The following NEK7 variants were observed in gnomAD, a reference collection of about 807,000 sequenced individuals.
NEK7 encodes the protein NIMA related kinase 7, also known as serine/threonine-protein kinase Nek7.
Under a neutral mutation model 44.6 loss-of-function variants are expected in NEK7, and 18 were observed. That is an observed-to-expected ratio of 0.40 (90% CI 0.28 to 0.60). The LOEUF is 0.60. Ranked by LOEUF, NEK7 falls within the 20% of genes least tolerant of loss-of-function variation. The pLI, the probability that NEK7 is intolerant of heterozygous loss-of-function variation, is 0.38. For missense variants in NEK7, 256 were observed against 366.5 expected (o/e 0.70, Z 2.46); for synonymous variants, 130 against 121.1 (o/e 1.07, Z -0.48).
intron 1 of NEK7, among the ~76,000 whole-genome samples, chr1:198,212,920 C>T (rs566093432): frequency 6.6e-6 from 1 of 152,334 alleles, no homozygotes; most frequent in Admixed American, 6.5e-5. Flanking sequence ...TTCTGGCTAA[C>T]CAGGAGATCT....
chr1:198,290,845 T>G (rs1269937442), intron 7 of NEK7, among the ~76,000 whole-genome samples: 1 of 152,184 alleles, frequency 6.6e-6, no homozygotes, highest in African/African-American at 2.4e-5. Flanking sequence ...GTATCTAAAT[T>G]TAAAGTATCA....
At chr1:198,167,068 C>T (rs1445514448) in intron 1 of NEK7, among the ~76,000 whole-genome samples, 2 of 152,174 alleles carry the variant, frequency 1.3e-5, no homozygotes, top group Non-Finnish European at 2.9e-5. Context: ...TTGACAGTGC[C>T]GTGTTCTCTC....
intron 1 of NEK7, among the ~76,000 whole-genome samples, chr1:198,185,690 C>T (rs139919846): frequency 1.3e-5 from 2 of 152,232 alleles, no homozygotes; most frequent in African/African-American, 4.8e-5. Context: ...GTAGTGCTGC[C>T]TGGAATGTCC....
At chr1:198,284,706 G>T (rs1215971820) in intron 7 of NEK7, among the ~76,000 whole-genome samples, 1 of 152,068 alleles carries the variant, frequency 6.6e-6, no homozygotes, top group Non-Finnish European at 1.5e-5. Context: ...TGAACCAGAG[G>T]CAGCTTACTA....
intron 9 of NEK7, among the ~76,000 whole-genome samples, chr1:198,308,333 G>A (rs1377616662): frequency 3.3e-5 from 5 of 152,022 alleles, no homozygotes; most frequent in East Asian, 1.9e-4. Context: ...CAGTTATCTC[G>A]ATATGAATGC....
intron 5 of NEK7, among the ~76,000 whole-genome samples, chr1:198,268,591 A>T (rs1313803381): frequency 6.6e-6 from 1 of 152,104 alleles, no homozygotes; most frequent in Non-Finnish European, 1.5e-5. Context: ...TCAGTCTTTA[A>T]GACGTTAGAA....
intron 1 of NEK7, among the ~76,000 whole-genome samples, chr1:198,213,374 G>A (rs985270463): frequency 6.6e-6 from 1 of 152,012 alleles, no homozygotes. Context: ...TACCCCAACA[G>A]TCAGGAAGCC....
intron 1 of NEK7, among the ~76,000 whole-genome samples, chr1:198,166,403 C>T (rs1402676109): frequency 6.6e-6 from 1 of 152,186 alleles, no homozygotes; most frequent in African/African-American, 2.4e-5. Flanking sequence ...TGTTTGGCTC[C>T]AGAGGCCTAG....
At chr1:198,271,905 T>TTATATATATATATATATATATATATA (rs34354855) in intron 5 of NEK7, among the ~76,000 whole-genome samples, 5 of 141,384 alleles carry the variant, frequency 3.5e-5, no homozygotes, top group African/African-American at 2.6e-5. Context: ...AATTTATATT[T>TTATATATATATATATATATATATATA]TATATATATA....
chr1:198,175,880 C>G (rs1451517145), intron 1 of NEK7, among the ~76,000 whole-genome samples: 1 of 152,192 alleles, frequency 6.6e-6, no homozygotes, highest in East Asian at 1.9e-4. Context: ...CTCTTGAGAA[C>G]TGTTCTTCCA....
At chr1:198,175,509 T>G (rs1664579348) in intron 1 of NEK7, among the ~76,000 whole-genome samples, 1 of 152,232 alleles carries the variant, frequency 6.6e-6, no homozygotes, top group South Asian at 2.1e-4. Context: ...TAGAATGTTT[T>G]TTAAATCTGG....
intron 2 of NEK7, among the ~76,000 whole-genome samples, chr1:198,236,499 T>C (rs1666548230): frequency 6.6e-6 from 1 of 152,168 alleles, no homozygotes; most frequent in South Asian, 2.1e-4. Flanking sequence ...CACTCCCTAC[T>C]TTCCTGGCTC....
chr1:198,221,113 A>G (rs1033925425), intron 1 of NEK7: 3 of 152,108 alleles, frequency 2.0e-5, no homozygotes, highest in South Asian at 2.1e-4. Context: ...TCAAATTGGT[A>G]AGCACATATT....
rs748683964 is a variant in NEK7 at position 198,321,480 on chromosome 1, C to T, written c.*1958C>T. On this transcript the variant is annotated 3_prime_UTR_variant, in exon 10 of 10. Coordinates refer to ENST00000367385, the MANE Select transcript of NEK7 (RefSeq NM_133494.3). ...GTTCTCTGGTTGGAACAGATACTCT[C>T]TTTTTTTTCTTGCAATCTTTAAGAA... The T allele has an allele frequency of 6.6e-6, 1 of 151,928 alleles. No homozygotes were observed. The highest frequency in any genetic ancestry group is 1.5e-5 in the Non-Finnish European group (1 of 67,938). The allele number at this position is 151,928 out of a possible 1,614,324, so 9.4% of individuals were successfully genotyped here. A position where few individuals can be genotyped will look rare whatever the true frequency, so the allele number is the denominator to read the frequency against.
At chr1:198,305,472 T>C (rs1294333104) in intron 9 of NEK7, among the ~76,000 whole-genome samples, 1 of 152,160 alleles carries the variant, frequency 6.6e-6, no homozygotes, top group African/African-American at 2.4e-5. Context: ...CTTTATCTCA[T>C]TTTGATTATT....
chr1:198,314,052 C>T (rs1025924166), intron 9 of NEK7, among the ~76,000 whole-genome samples: 14 of 152,084 alleles, frequency 9.2e-5, no homozygotes, highest in South Asian at 6.2e-4. Context: ...CCATTCTCCC[C>T]GTCACTTTCA....
In NEK7 at chr1:198,306,717, A is replaced by G. The variant is rs555542395; in HGVS notation, c.798+9477A>G. Reference sequence around the variant, plus strand: ...CATATGAATTCACATTTTTAAACCAAATTATTAACATTAAAGGCATAAAAC... The same window carrying G: ...CATATGAATTCACATTTTTAAACCAGATTATTAACATTAAAGGCATAAAAC... On this transcript the variant is annotated intron_variant, in intron 9 of 9. Coordinates refer to ENST00000367385, the MANE Select transcript of NEK7 (RefSeq NM_133494.3). Among the ~76,000 whole-genome samples, 3 of 152,284 alleles carry G rather than the reference A, an allele frequency of 2.0e-5. No individual in the cohort carries two copies. The South Asian group carries it at 6.2e-4, about 32-fold the overall frequency.
intron 1 of NEK7, among the ~76,000 whole-genome samples, chr1:198,177,607 A>G (rs1664642373): frequency 6.6e-6 from 1 of 152,104 alleles, no homozygotes; most frequent in Non-Finnish European, 1.5e-5. Flanking sequence ...AAGACTAAAT[A>G]CTTGTTTTGC....
At chr1:198,298,618 A>T (rs1654782239) in intron 9 of NEK7, among the ~76,000 whole-genome samples, 1 of 152,252 alleles carries the variant, frequency 6.6e-6, no homozygotes, top group African/African-American at 2.4e-5. Context: ...TAGGCCTGGA[A>T]ATACAGTGGG....
Sources: gnomAD v4.1 joint callset for allele counts (sites outside exome capture counted in the v4.1 genomes callset) on GRCh38, gnomAD v4.1.1 for gene constraint, MANE v1.5 for transcripts, NCBI Gene and HGNC (gene_info 2026-07-23, HGNC 2026-07-21) for gene names.